The following PSMC2 variants were observed in gnomAD, a reference collection of about 807,000 sequenced individuals.
The protein encoded by PSMC2 is 26S proteasome regulatory subunit 7.
Under a neutral mutation model 53.3 loss-of-function variants are expected in PSMC2, and 7 were observed. The ratio of observed to expected loss-of-function variants is 0.13; its 90% confidence interval spans 0.07 to 0.25. PSMC2 has a LOEUF of 0.25. PSMC2 is among the 10% of genes least tolerant of loss of function. The probability of loss-of-function intolerance (pLI) is 1.00; values close to 1 mark genes in which losing one functional copy is unlikely to be tolerated. For synonymous variants in PSMC2, 169 were observed against 183.9 expected (o/e 0.92, Z 0.66); for missense variants, 241 against 544.0 (o/e 0.44, Z 5.54).
chr7:103,362,236 C>T (rs1454556050), intron 5 of PSMC2, 148 bp downstream of exon 5: 3 of 1,442,196 alleles, frequency 2.1e-6, no homozygotes, highest in Non-Finnish European at 2.7e-6. Flanking sequence ...AAAATTCTGT[C>T]TTCTGCATCT....
At chr7:103,347,843 CT>C in intron 1 of PSMC2, 62 bp downstream of exon 1, 3 of 1,579,950 alleles carry the variant, frequency 1.9e-6, no homozygotes, top group Non-Finnish European at 2.6e-6. Context: ...TGCCTTGGCA[CT>C]GGAGAGGAGC....
In PSMC2 at chr7:103,367,941, A is replaced by G; in HGVS notation, c.1189A>G (p.Ile397Val). The G allele has an allele frequency of 1.9e-6, 3 of 1,614,140 alleles. No individual in the cohort carries two copies. The highest frequency in any genetic ancestry group is 1.7e-5 in the Admixed American group (1 of 60,014). ...CTGCACAGAGGCTGGTATGTTTGCCATCAGAGCACGGCGAAAAATTGCTAC... is the reference window on the plus strand; with the variant it reads ...CTGCACAGAGGCTGGTATGTTTGCCGTCAGAGCACGGCGAAAAATTGCTAC... ...SVCTEAGMFA[I>V]RARRKIATEK... Residue 397 changes from isoleucine to valine, a missense_variant, in exon 12 of 12, where the codon ATC becomes GTC. This residue lies in a region of PSMC2 where 60 missense variants were observed against 115.8 expected (regional missense o/e 0.52). Transcript: ENST00000292644. The surrounding 1 kb of genome is among the most constrained non-coding windows in gnomAD (Gnocchi z 6.1).
intron 8 of PSMC2, among the ~76,000 whole-genome samples, chr7:103,364,981 A>ATTTATT (rs1554575489): frequency 7.1e-6 from 1 of 140,802 alleles, no homozygotes; most frequent in African/African-American, 2.6e-5. Context: ...ATATATATAT[A>ATTTATT]TATTTAGAGA....
chr7:103,362,669 C>CT lies in PSMC2; in HGVS notation c.423-11dup. On this transcript the variant is annotated splice_polypyrimidine_tract_variant and intron_variant, in intron 5 of 11. Transcript: ENST00000292644. Reference sequence around the variant, plus strand: ...GCTTAAAGAATGTATTAATGACTATCTTTTTTACTTCCTTAGCGTGGATAG... The same window carrying CT: ...GCTTAAAGAATGTATTAATGACTATCTTTTTTTACTTCCTTAGCGTGGATAG... The CT allele has an allele frequency of 6.3e-7, 1 of 1,585,416 alleles. No homozygotes were observed. The highest frequency in any genetic ancestry group is 8.7e-7 in the Non-Finnish European group (1 of 1,154,738).
rs1820830693 is a variant in PSMC2, at chr7:103,368,327, G to A, written c.*273G>A. 1 of 264,540 alleles carries A rather than the reference G, an allele frequency of 3.8e-6. No homozygotes were observed. Among genetic ancestry groups the A allele is most frequent in the Admixed American group, 5.1e-5 (1 of 19,502 alleles). The allele number at this position is 264,540 out of a possible 1,614,324, so 16.4% of individuals were successfully genotyped here. On this transcript the variant is annotated 3_prime_UTR_variant, in exon 12 of 12. Transcript: ENST00000292644. ...TGGCTTCTATCCTAGGCATATGCTG[G>A]CCGGGTGCTCTACATATAAATTCTC...
chr7:103,355,940 A>C, intron 4 of PSMC2, 147 bp downstream of exon 4: 1 of 539,758 alleles, frequency 1.9e-6, no homozygotes, highest in Non-Finnish European at 3.2e-6. Flanking sequence ...TGGGGTTAAA[A>C]TTTTATGCCT....
rs946564752 is a variant in PSMC2, at chr7:103,354,864, C to G, written c.109-4C>G. On this transcript the variant is annotated splice_region_variant and splice_polypyrimidine_tract_variant and intron_variant, in intron 2 of 11. Coordinates refer to ENST00000292644, the MANE Select transcript of PSMC2 (RefSeq NM_002803.4). ...TTCTAACTAAACTGACCTTCATCAC[C>G]TAGGGTCAGAGCACTTACTCTAGGC... 1.9e-6 allele frequency: 3 copies of G among 1,602,096 alleles called. No homozygotes were observed. Among genetic ancestry groups the G allele is most frequent in the Non-Finnish European group, 2.6e-6 (3 of 1,170,954 alleles).
chr7:103,358,431 A>C (rs1820167919), intron 4 of PSMC2, among the ~76,000 whole-genome samples: 1 of 151,898 alleles, frequency 6.6e-6, no homozygotes, highest in Admixed American at 6.6e-5. Context: ...CTTATTCCTG[A>C]ATTCTCTTAT....
chr7:103,350,876 T>G (rs1819716886), intron 1 of PSMC2, among the ~76,000 whole-genome samples: 5 of 152,172 alleles, frequency 3.3e-5, no homozygotes, highest in Admixed American at 3.3e-4. Flanking sequence ...GTTTCTTAAT[T>G]CCCAGATCTT....
At chr7:103,354,708 G>A in intron 2 of PSMC2, 160 bp from the exon 3 acceptor site, 1 of 586,996 alleles carries the variant, frequency 1.7e-6, no homozygotes, top group Non-Finnish European at 3.0e-6. Flanking sequence ...AGTGGATTGT[G>A]TATTTAGGGG....
At chr7:103,352,969 T>C in intron 1 of PSMC2, 1 of 780,526 alleles carries the variant, frequency 1.3e-6, no homozygotes, top group Non-Finnish European at 2.4e-6. Flanking sequence ...GTTGTGAACT[T>C]AAATTTTTTA....
intron 1 of PSMC2, among the ~76,000 whole-genome samples, chr7:103,349,743 T>C (rs568756620): frequency 1.3e-5 from 2 of 152,228 alleles, no homozygotes; most frequent in South Asian, 4.2e-4. Context: ...AGCCACCGCG[T>C]CTAGCCTGAT....
intron 2 of PSMC2, among the ~76,000 whole-genome samples, chr7:103,354,239 T>G (rs540886849): frequency 6.6e-6 from 1 of 152,202 alleles, no homozygotes; most frequent in Non-Finnish European, 1.5e-5. Flanking sequence ...TAAAATGTGA[T>G]GCTATATTGA....
intron 2 of PSMC2, 125 bp from the exon 3 acceptor site, chr7:103,354,743 T>C: frequency 1.6e-6 from 1 of 636,376 alleles, no homozygotes; most frequent in South Asian, 1.9e-5. Flanking sequence ...GGAATACCTC[T>C]CTACTTCACA....
At position 103,355,806 on chromosome 7, in the gene PSMC2, G is replaced by A. The variant is rs577267093; in HGVS notation, c.290+13G>A. On this transcript the variant is annotated intron_variant, in intron 4 of 11. Transcript: ENST00000292644. ...TACAGGTTGCCAGGTATGCACGGGT[G>A]CTCTGTGGCAACTTACCTTTGTCTG... 4.4e-6 allele frequency: 7 copies of A among 1,576,960 alleles called. No individual in the cohort carries two copies. The highest frequency in any genetic ancestry group is 6.1e-6 in the Non-Finnish European group (7 of 1,148,148).
intron 7 of PSMC2, 55 bp downstream of exon 7, chr7:103,363,494 A>T: frequency 2.0e-6 from 3 of 1,468,138 alleles, no homozygotes; most frequent in Non-Finnish European, 2.9e-6. Flanking sequence ...TCTTTTGTGT[A>T]TTGAGCACTA....
chr7:103,357,689 C>G (rs1820116210), intron 4 of PSMC2, among the ~76,000 whole-genome samples: 1 of 152,186 alleles, frequency 6.6e-6, no homozygotes, highest in African/African-American at 2.4e-5. Context: ...AAACACTATT[C>G]ACAAAGAGCC....
intron 1 of PSMC2, among the ~76,000 whole-genome samples, 171 bp from the exon 2 acceptor site, chr7:103,353,750 T>C (rs780362558): frequency 2.6e-5 from 4 of 152,240 alleles, no homozygotes; most frequent in Non-Finnish European, 4.4e-5. Flanking sequence ...AGATAAAAAT[T>C]CCTTGAGTCC....
chr7:103,351,249 T>C (rs1563482111), intron 1 of PSMC2, among the ~76,000 whole-genome samples: 2 of 152,176 alleles, frequency 1.3e-5, no homozygotes, highest in African/African-American at 4.8e-5. Flanking sequence ...GTAGTCATAC[T>C]CATGGCTATG....
Sources: gnomAD v4.1 joint callset for allele counts (sites outside exome capture counted in the v4.1 genomes callset) on GRCh38, gnomAD v4.1.1 for gene constraint, gnomAD v4.1.1 regional missense constraint, Gnocchi (gnomAD v3.1) non-coding constraint, MANE v1.5 for transcripts, NCBI Gene and HGNC (gene_info 2026-07-23, HGNC 2026-07-21) for gene names.